MIPEP: variants seen among roughly 807,000 people sequenced by gnomAD.
MIPEP encodes mitochondrial intermediate peptidase.
Under a neutral mutation model 90.3 loss-of-function variants are expected in MIPEP, and 79 were observed. The observed-to-expected ratio is 0.87, with a 90% CI of 0.73 to 1.05. The LOEUF is 1.05. MIPEP is among the 50% of genes least tolerant of loss of function. The probability of loss-of-function intolerance (pLI) is 0.00; values close to 1 mark genes in which losing one functional copy is unlikely to be tolerated. For missense variants in MIPEP, 940 were observed against 905.6 expected (o/e 1.04, Z -0.49); for synonymous variants, 334 against 315.8 (o/e 1.06, Z -0.61).
intron 4 of MIPEP, among the ~76,000 whole-genome samples, chr13:23,877,661 G>T (rs992913999): frequency 6.6e-6 from 1 of 152,124 alleles, no homozygotes; most frequent in African/African-American, 2.4e-5. Context: ...CTGAATCTAA[G>T]AATAACATGA....
Position 23,862,369 on chromosome 13 carries a change from A to T in MIPEP, c.993-7T>A, listed in dbSNP as rs1378565622. ...CTCAAAATCTTTCAGAGTTCTATAA[A>T]ACAGGTTTATCATTACTTGTTAGGA... is the stretch of plus-strand genomic sequence containing the variant. On this transcript the variant is annotated splice_polypyrimidine_tract_variant and splice_region_variant and intron_variant, in intron 8 of 18. Transcript: ENST00000382172. 16 of 1,552,488 alleles carry T rather than the reference A, an allele frequency of 1.0e-5. No individual in the cohort carries two copies. Among genetic ancestry groups the T allele is most frequent in the Non-Finnish European group, 1.2e-5 (14 of 1,134,756 alleles).
At chr13:23,742,134 C>T (rs1236294446) in intron 18 of MIPEP, among the ~76,000 whole-genome samples, 1 of 152,216 alleles carries the variant, frequency 6.6e-6, no homozygotes, top group Non-Finnish European at 1.5e-5. Flanking sequence ...CTGAATGGAA[C>T]ATTATCTGGT....
At chr13:23,810,443 A>C (rs889329261) in intron 14 of MIPEP, among the ~76,000 whole-genome samples, 3 of 152,216 alleles carry the variant, frequency 2.0e-5, no homozygotes, top group Admixed American at 2.0e-4. Flanking sequence ...AGAACTGTAG[A>C]GCTTGGACAC....
rs1869293339 is a variant in MIPEP at position 23,841,438 on chromosome 13, C to A, written c.1157G>T (p.Cys386Phe). The A allele has an allele frequency of 6.2e-7, 1 of 1,613,966 alleles. No homozygotes were observed. Among genetic ancestry groups the A allele is most frequent in the African/African-American group, 1.3e-5 (1 of 74,890 alleles). The change falls in exon 11 of 19, where the codon TGC (cysteine) becomes TTC (phenylalanine). Residue 386 changes from cysteine to phenylalanine, a missense_variant. Physicochemically the swap from Cys to Phe is radical, Grantham distance 205. Transcript: ENST00000382172. The stretch of plus-strand genomic sequence containing the variant: ...AAGCAAAATATTCAGGCCTTCCATG[C>A]ATGCTCCAAGAGAGAAAAACGGGCA... The part of the protein sequence containing the change: ...LYCPFFSLGA[C>F]MEGLNILLNR...
chr13:23,795,383 C>A (rs1952946798), intron 16 of MIPEP, among the ~76,000 whole-genome samples: 1 of 152,190 alleles, frequency 6.6e-6, no homozygotes, highest in African/African-American at 2.4e-5. Flanking sequence ...TTTCAACCAA[C>A]ATCTGAACAA....
At chr13:23,775,967 G>C (rs1346083321) in intron 16 of MIPEP, among the ~76,000 whole-genome samples, 1 of 152,202 alleles carries the variant, frequency 6.6e-6, no homozygotes, top group African/African-American at 2.4e-5. Context: ...AAATGATGTA[G>C]ATCATTCCAG....
intron 5 of MIPEP, among the ~76,000 whole-genome samples, chr13:23,873,206 A>G (rs1870909590): frequency 6.6e-6 from 1 of 152,214 alleles, no homozygotes; most frequent in Non-Finnish European, 1.5e-5. Flanking sequence ...TAGGAGGAGG[A>G]CAGCAAACAC....
At chr13:23,884,253 G>T (rs1382330659) in intron 2 of MIPEP, among the ~76,000 whole-genome samples, 1 of 150,130 alleles carries the variant, frequency 6.7e-6, no homozygotes, top group East Asian at 2.0e-4. Context: ...GATTTTTGGG[G>T]GTGGATGGAA....
intron 14 of MIPEP, among the ~76,000 whole-genome samples, chr13:23,828,111 GA>G (rs1457321573): frequency 6.6e-6 from 1 of 152,096 alleles, no homozygotes; most frequent in Non-Finnish European, 1.5e-5. Flanking sequence ...AAAGATGCAG[GA>G]AAAAACTATG....
chr13:23,855,683 CA>C (rs1870019442), intron 10 of MIPEP, among the ~76,000 whole-genome samples: 1 of 152,224 alleles, frequency 6.6e-6, no homozygotes, highest in Non-Finnish European at 1.5e-5. Flanking sequence ...AACCAAAACT[CA>C]GTAGCCTATT....
chr13:23,798,902 C>T (rs1952996426), intron 16 of MIPEP, among the ~76,000 whole-genome samples: 2 of 151,990 alleles, frequency 1.3e-5, no homozygotes, highest in Admixed American at 1.3e-4. Context: ...TATAAATTAC[C>T]CAGTCTCAGG....
At chr13:23,750,135 T>C (rs1328415121) in intron 18 of MIPEP, among the ~76,000 whole-genome samples, 1 of 152,218 alleles carries the variant, frequency 6.6e-6, no homozygotes, top group South Asian at 2.1e-4. Flanking sequence ...AAAACTGTGA[T>C]GGAGTCAAGA....
intron 14 of MIPEP, 131 bp downstream of exon 14, chr13:23,836,109 A>G (rs1028583037): frequency 1.1e-5 from 6 of 545,852 alleles, no homozygotes; most frequent in African/African-American, 1.9e-5. Flanking sequence ...CAGGAAAAAA[A>G]GAAGCAATAA....
At position 23,744,762 on chromosome 13, in the gene MIPEP, G is replaced by A. The variant is rs1173757849; in HGVS notation, c.2044+11783C>T. Among the ~76,000 whole-genome samples, 3 of 152,164 alleles carry A rather than the reference G, an allele frequency of 2.0e-5. No individual in the cohort carries two copies. In the South Asian group the frequency reaches 6.2e-4, roughly 31 times the overall value. Reference sequence around the variant, plus strand: ...GCCATTCAATGCTGGCAATATACAAGTAGCAGAAATTAGTTTTATTGAAAG... The same window carrying A: ...GCCATTCAATGCTGGCAATATACAAATAGCAGAAATTAGTTTTATTGAAAG... On this transcript the variant is annotated intron_variant, in intron 18 of 18. Coordinates refer to ENST00000382172, the MANE Select transcript of MIPEP (RefSeq NM_005932.4).
At position 23,756,530 on chromosome 13, in the gene MIPEP, T is replaced by G; in HGVS notation, c.2044+15A>C. 6.2e-7 allele frequency: 1 copy of G among 1,611,990 alleles called. No homozygotes were observed. The highest frequency in any genetic ancestry group is 8.5e-7 in the Non-Finnish European group (1 of 1,178,124). Reference sequence around the variant, plus strand: ...AGCTTTCATTATAGATGGTGCCATTTTGGTTTTGTTTTACCTTCAACCATG... The same window carrying G: ...AGCTTTCATTATAGATGGTGCCATTGTGGTTTTGTTTTACCTTCAACCATG... On this transcript the variant is annotated intron_variant, in intron 18 of 18. Coordinates refer to ENST00000382172, the MANE Select transcript of MIPEP (RefSeq NM_005932.4).
chr13:23,849,830 C>G lies in MIPEP; in HGVS notation c.1107-8342G>C, dbSNP rs147642728. ...GATCACTGTATTTATGAAGCACACT[C>G]TATGAGTCAGACTTATATTTCAACC... On this transcript the variant is annotated intron_variant, in intron 10 of 18. Coordinates refer to ENST00000382172, the MANE Select transcript of MIPEP (RefSeq NM_005932.4). Among the ~76,000 whole-genome samples, 8 of 152,340 alleles carry G rather than the reference C, an allele frequency of 5.3e-5. No individual in the cohort carries two copies. The East Asian group carries it at 1.5e-3, about 29-fold the overall frequency.
intron 16 of MIPEP, among the ~76,000 whole-genome samples, chr13:23,790,499 C>T (rs1200069095): frequency 2.0e-5 from 3 of 152,136 alleles, no homozygotes; most frequent in Non-Finnish European, 4.4e-5. Context: ...AGCTAAAGAT[C>T]CTGAGGTGAG....
chr13:23,765,983 C>T (rs1952588289), intron 16 of MIPEP: 1 of 152,108 alleles, frequency 6.6e-6, no homozygotes, highest in African/African-American at 2.4e-5. Context: ...TGAGAGAGTA[C>T]ATTTCAAGAC....
intron 16 of MIPEP, among the ~76,000 whole-genome samples, chr13:23,792,581 T>G (rs928522569): frequency 6.6e-6 from 1 of 152,206 alleles, no homozygotes; most frequent in Non-Finnish European, 1.5e-5. Context: ...TGGTCTTGAA[T>G]GCCTGGGCTC....
Sources: gnomAD v4.1 joint callset for allele counts (sites outside exome capture counted in the v4.1 genomes callset) on GRCh38, gnomAD v4.1.1 for gene constraint, MANE v1.5 for transcripts, NCBI Gene and HGNC (gene_info 2026-07-23, HGNC 2026-07-21) for gene names.